CTNNA2: variants seen among roughly 807,000 people sequenced by gnomAD.
CTNNA2 encodes the protein catenin alpha 2, also known as catenin alpha-2.
Under a neutral mutation model 101.0 loss-of-function variants are expected in CTNNA2, and 42 were observed. The observed-to-expected ratio is 0.42, with a 90% CI of 0.32 to 0.54. The LOEUF (loss-of-function observed/expected upper bound fraction) is 0.54, where lower values mean the gene tolerates loss of function less well. CTNNA2 is among the 20% of genes least tolerant of loss of function. The pLI, the probability that CTNNA2 is intolerant of heterozygous loss-of-function variation, is 0.14. For synonymous variants in CTNNA2, 450 were observed against 456.4 expected (o/e 0.99, Z 0.18); for missense variants, 871 against 1,223.1 (o/e 0.71, Z 4.29).
intron 7 of CTNNA2, among the ~76,000 whole-genome samples, chr2:80,139,072 G>A (rs1186771132): frequency 1.3e-5 from 2 of 152,146 alleles, no homozygotes; most frequent in Non-Finnish European, 2.9e-5. Flanking sequence ...AATTGCAAGT[G>A]AAAAGTATTG....
chr2:79,646,431 A>G (rs1680820305), intron 1 of CTNNA2, among the ~76,000 whole-genome samples: 1 of 151,300 alleles, frequency 6.6e-6, no homozygotes, highest in Admixed American at 6.6e-5. Flanking sequence ...CTTTCTTACC[A>G]CCACAGAAAG....
intron 7 of CTNNA2, among the ~76,000 whole-genome samples, chr2:80,081,305 G>T (rs1253442281): frequency 2.0e-5 from 3 of 151,146 alleles, no homozygotes; most frequent in Non-Finnish European, 2.9e-5. Context: ...GGAGGATTGG[G>T]GTATAAAACT....
chr2:79,529,070 A>G (rs573875766), intron 1 of CTNNA2, among the ~76,000 whole-genome samples: 1 of 152,324 alleles, frequency 6.6e-6, no homozygotes, highest in South Asian at 2.1e-4. Flanking sequence ...AAGAACATGT[A>G]AAACTTTCCT....
At chr2:80,037,038 G>A (rs1278552909) in intron 7 of CTNNA2, among the ~76,000 whole-genome samples, 1 of 152,128 alleles carries the variant, frequency 6.6e-6, no homozygotes, top group African/African-American at 2.4e-5. Flanking sequence ...TTGAATTACT[G>A]TAGAACTGGA....
rs150745555 is a variant in CTNNA2, at chr2:80,631,407, C to T, written c.2574+12179C>T. Among the ~76,000 whole-genome samples, 590 of 148,756 alleles carry T rather than the reference C, an allele frequency of 4.0e-3. 6 individuals carry two copies. The highest frequency in any genetic ancestry group is 0.013 in the African/African-American group (513 of 40,118). The stretch of plus-strand genomic sequence containing the variant: ...GCAACACTATTATGCATTTCCAGTC[C>T]GCTGAGGATTCGATTCCTTTAATCT... On this transcript the variant is annotated intron_variant, in intron 18 of 18. Transcript: ENST00000402739.
chr2:79,676,856 G>A (rs1683219750), intron 2 of CTNNA2, among the ~76,000 whole-genome samples: 1 of 152,184 alleles, frequency 6.6e-6, no homozygotes, highest in African/African-American at 2.4e-5. Context: ...TTTCTTCTCA[G>A]GAGTCTTTCT....
chr2:79,303,906 G>A (rs1206315356), intron 2 of CTNNA2, among the ~76,000 whole-genome samples: 1 of 151,958 alleles, frequency 6.6e-6, no homozygotes, highest in African/African-American at 2.4e-5. Flanking sequence ...GAGACTCATG[G>A]ATCAAAGTCT....
At chr2:79,926,094 T>C (rs1290135619) in intron 7 of CTNNA2, among the ~76,000 whole-genome samples, 3 of 152,262 alleles carry the variant, frequency 2.0e-5, no homozygotes, top group East Asian at 3.9e-4. Flanking sequence ...TATCAAGTTA[T>C]ACTGGCTGTA....
intron 9 of CTNNA2, among the ~76,000 whole-genome samples, chr2:80,475,209 C>T (rs1685634959): frequency 6.6e-6 from 1 of 152,146 alleles, no homozygotes; most frequent in Non-Finnish European, 1.5e-5. Flanking sequence ...GATGAAGTGG[C>T]CAACAGTATC....
At chr2:80,404,322 A>G (rs1026714113) in intron 8 of CTNNA2, among the ~76,000 whole-genome samples, 3 of 151,374 alleles carry the variant, frequency 2.0e-5, no homozygotes, top group African/African-American at 7.3e-5. Context: ...AGTCGATTTT[A>G]TTATTTTTTT....
At chr2:80,149,418 T>C (rs533328169) in intron 7 of CTNNA2, among the ~76,000 whole-genome samples, 5 of 152,278 alleles carry the variant, frequency 3.3e-5, no homozygotes, top group East Asian at 1.9e-4. Context: ...TAGATGGACA[T>C]GTACATACAC....
intron 2 of CTNNA2, among the ~76,000 whole-genome samples, chr2:79,680,947 G>A (rs1683523135): frequency 6.6e-6 from 1 of 152,158 alleles, no homozygotes; most frequent in Non-Finnish European, 1.5e-5. Context: ...ACAGCAACAG[G>A]AGACTGAAGG....
intron 7 of CTNNA2, among the ~76,000 whole-genome samples, chr2:80,140,055 T>G (rs1046701376): frequency 6.6e-6 from 1 of 152,178 alleles, no homozygotes; most frequent in Admixed American, 6.6e-5. Context: ...ACATATTTCC[T>G]TTATTCAAGT....
At chr2:79,746,780 C>A (rs570455672) in intron 3 of CTNNA2, among the ~76,000 whole-genome samples, 5 of 152,204 alleles carry the variant, frequency 3.3e-5, no homozygotes, top group Non-Finnish European at 5.9e-5. Context: ...AAACTCCTGT[C>A]ATACTTTTTA....
chr2:79,276,559 T>C (rs889249400), intron 2 of CTNNA2, among the ~76,000 whole-genome samples: 1 of 152,264 alleles, frequency 6.6e-6, no homozygotes, highest in South Asian at 2.1e-4. Flanking sequence ...GGCTTTCTTT[T>C]TGTCTGCATC....
intron 2 of CTNNA2, among the ~76,000 whole-genome samples, chr2:79,269,095 C>G (rs1184380621): frequency 5.9e-5 from 9 of 152,006 alleles, no homozygotes; most frequent in Admixed American, 5.2e-4. Flanking sequence ...CTGGACTGCT[C>G]AGAACAGAAA....
intron 9 of CTNNA2, among the ~76,000 whole-genome samples, chr2:80,475,505 A>T (rs1309652413): frequency 6.6e-6 from 1 of 152,170 alleles, no homozygotes; most frequent in Non-Finnish European, 1.5e-5. Context: ...AACTACAAAT[A>T]TGAGGTCAAG....
chr2:79,949,335 A>T lies in CTNNA2; in HGVS notation c.1056+39538A>T, dbSNP rs149502108. On this transcript the variant is annotated intron_variant, in intron 7 of 18. Transcript: ENST00000402739. The stretch of plus-strand genomic sequence containing the variant: ...GTCTTTCATATTTGAAAATACTTCA[A>T]ATGAAACAGGAATGTTCTAGACTGA... Among the ~76,000 whole-genome samples the T allele has an allele frequency of 2.5e-3, 385 of 152,334 alleles. 1 individual carries two copies. Among genetic ancestry groups the T allele is most frequent in the Non-Finnish European group, 3.7e-3 (252 of 68,038 alleles).
intron 2 of CTNNA2, among the ~76,000 whole-genome samples, chr2:79,741,384 C>A (rs781034275): frequency 5.9e-5 from 9 of 151,294 alleles, no homozygotes; most frequent in Non-Finnish European, 1.2e-4. Context: ...GAGAACTGAT[C>A]CGAGTGAGAG....
Sources: allele counts gnomAD v4.1 joint callset (sites outside exome capture counted in the v4.1 genomes callset), GRCh38; gene constraint gnomAD v4.1.1; transcripts MANE v1.5; gene names NCBI Gene and HGNC (gene_info 2026-07-23, HGNC 2026-07-21).